Variants in ZFHX3 observed in about 807,000 individuals in gnomAD.
ZFHX3 encodes the protein zinc finger homeobox 3.
Under a neutral mutation model 279.1 loss-of-function variants are expected in ZFHX3, and 42 were observed. That is an observed-to-expected ratio of 0.15 (90% CI 0.12 to 0.19). The LOEUF (loss-of-function observed/expected upper bound fraction) is 0.19, where lower values mean the gene tolerates loss of function less well. Among genes scored for constraint, ZFHX3 ranks in the 10% least tolerant of loss-of-function variants. The pLI, the probability that ZFHX3 is intolerant of heterozygous loss-of-function variation, is 1.00. For synonymous variants in ZFHX3, 2,293 were observed against 1,957.8 expected, an observed-to-expected ratio of 1.17 and a Z score of -4.52; for missense variants, 4,981 against 4,754.0, an observed-to-expected ratio of 1.05 and a Z score of -1.40.
chr16:73,159,472 G>T (rs997777262), intron 5 of ZFHX3, among the ~76,000 whole-genome samples: 11 of 152,018 alleles, frequency 7.2e-5, no homozygotes, highest in Non-Finnish European at 1.5e-4. Flanking sequence ...CTGTCCTTTG[G>T]AGCCCTGAGG....
intron 2 of ZFHX3, among the ~76,000 whole-genome samples, chr16:73,646,378 TTTA>T (rs2052618560): frequency 6.6e-6 from 1 of 152,108 alleles, no homozygotes; most frequent in African/African-American, 2.4e-5. Context: ...CAGATCAAAA[TTTA>T]TTATTTATAT....
intron 1 of ZFHX3, among the ~76,000 whole-genome samples, chr16:73,028,724 TC>T (rs1964597031): frequency 6.6e-6 from 1 of 152,070 alleles, no homozygotes. Context: ...TCCGGGCCCA[TC>T]CCTGGGAAAG....
intron 3 of ZFHX3, among the ~76,000 whole-genome samples, chr16:72,939,063 G>A (rs974997171): frequency 1.3e-5 from 2 of 152,160 alleles, no homozygotes; most frequent in Admixed American, 6.5e-5. Context: ...TAGAGGAGCC[G>A]AGGAATATTC....
intron 2 of ZFHX3, among the ~76,000 whole-genome samples, chr16:73,526,566 C>A (rs531491212): frequency 3.3e-5 from 5 of 152,230 alleles, no homozygotes; most frequent in Non-Finnish European, 5.9e-5. Flanking sequence ...CCAGTTTTGA[C>A]ACTGTCTTTG....
intron 5 of ZFHX3, among the ~76,000 whole-genome samples, chr16:73,166,422 A>T (rs1967369595): frequency 6.6e-6 from 1 of 152,184 alleles, no homozygotes; most frequent in African/African-American, 2.4e-5. Context: ...AAGTATAAAG[A>T]ACTTGAACCT....
At chr16:73,313,391 T>C (rs1475754400) in intron 4 of ZFHX3, among the ~76,000 whole-genome samples, 1 of 152,216 alleles carries the variant, frequency 6.6e-6, no homozygotes, top group African/African-American at 2.4e-5. Context: ...GTCATCATCA[T>C]CACAACCACA....
intron 5 of ZFHX3, among the ~76,000 whole-genome samples, chr16:73,213,837 C>T (rs1026838996): frequency 6.6e-6 from 1 of 152,174 alleles, no homozygotes; most frequent in African/African-American, 2.4e-5. Context: ...CAAATTCTGG[C>T]TGAACATCAG....
chr16:73,578,726 A>AT (rs35487563), intron 2 of ZFHX3, among the ~76,000 whole-genome samples: 9 of 151,910 alleles, frequency 5.9e-5, no homozygotes, highest in Non-Finnish European at 8.8e-5. Flanking sequence ...ATTTATTTTT[A>AT]TTTTTTTTAT....
chr16:73,254,810 G>A (rs28541875), intron 5 of ZFHX3, among the ~76,000 whole-genome samples: 2 of 152,070 alleles, frequency 1.3e-5, no homozygotes, highest in African/African-American at 4.8e-5. Context: ...AGGTTTGTAA[G>A]ACACATAAAT....
chr16:73,017,947 A>G, intron 1 of ZFHX3, among the ~76,000 whole-genome samples: 1 of 150,098 alleles, frequency 6.7e-6, no homozygotes, highest in South Asian at 2.1e-4. Context: ...TGAAAATTTG[A>G]TTTTTTCGAT....
intron 2 of ZFHX3, among the ~76,000 whole-genome samples, chr16:73,651,515 T>C (rs1406975878): frequency 1.3e-5 from 2 of 151,556 alleles, no homozygotes; most frequent in East Asian, 3.9e-4. Context: ...AAAGACAATA[T>C]ATACAATCTT....
intron 4 of ZFHX3, among the ~76,000 whole-genome samples, chr16:73,298,404 G>C (rs930785637): frequency 6.6e-6 from 1 of 151,274 alleles, no homozygotes; most frequent in Non-Finnish European, 1.5e-5. Flanking sequence ...AACCAGTCTC[G>C]AACTCCCGAC....
chr16:73,740,141 A>C (rs1007155217), intron 1 of ZFHX3, among the ~76,000 whole-genome samples: 1 of 152,154 alleles, frequency 6.6e-6, no homozygotes, highest in Non-Finnish European at 1.5e-5. Flanking sequence ...CAGGTATTAT[A>C]TTTCAAATGC....
At chr16:73,477,625 T>A (rs554849696) in intron 2 of ZFHX3, among the ~76,000 whole-genome samples, 1 of 152,312 alleles carries the variant, frequency 6.6e-6, no homozygotes, top group African/African-American at 2.4e-5. Context: ...GGCATCATGG[T>A]GGCAGGCTGC....
At chr16:73,466,313 C>A (rs2018569650) in intron 2 of ZFHX3, among the ~76,000 whole-genome samples, 1 of 152,164 alleles carries the variant, frequency 6.6e-6, no homozygotes, top group South Asian at 2.1e-4. Flanking sequence ...AAAACCCTGT[C>A]TCTACAAAAA....
chr16:73,850,494 G>A (rs1483692797), intron 1 of ZFHX3, among the ~76,000 whole-genome samples: 1 of 152,182 alleles, frequency 6.6e-6, no homozygotes, highest in Non-Finnish European at 1.5e-5. Context: ...GAGCACACGA[G>A]TTACTGAATG....
At chr16:72,978,462 A>C (rs1041442274) in intron 1 of ZFHX3, among the ~76,000 whole-genome samples, 1 of 152,120 alleles carries the variant, frequency 6.6e-6, no homozygotes, top group Non-Finnish European at 1.5e-5. Context: ...CTTGCAGGCC[A>C]TAAGCCTCAA....
intron 4 of ZFHX3, among the ~76,000 whole-genome samples, chr16:73,303,723 AT>A: frequency 6.6e-6 from 1 of 151,138 alleles, no homozygotes; most frequent in Non-Finnish European, 1.5e-5. Flanking sequence ...AATTATTTAG[AT>A]GGCCATCTCA....
rs1283045717 is a variant in ZFHX3, at chr16:72,783,747, A to G, written c.*3417T>C. The G allele has an allele frequency of 6.6e-6, 1 of 152,364 alleles. No homozygotes were observed. Among genetic ancestry groups the G allele is most frequent in the East Asian group, 1.9e-4 (1 of 5,192 alleles). 9.4% of individuals were successfully genotyped at this position (152,364 alleles called of 1,614,324 possible). A position where few individuals can be genotyped will look rare whatever the true frequency, so the allele number is the denominator to read the frequency against. On this transcript the variant is annotated 3_prime_UTR_variant, in exon 10 of 10. Transcript: ENST00000268489. ...GGGAGAAAACCAAAAAACGAGTGTCAATGGAGGTGAAGAACTAATTTAAAA... is the reference window on the plus strand; with the variant it reads ...GGGAGAAAACCAAAAAACGAGTGTCGATGGAGGTGAAGAACTAATTTAAAA...
Sources: gnomAD v4.1 joint callset for allele counts (sites outside exome capture counted in the v4.1 genomes callset) on GRCh38, gnomAD v4.1.1 for gene constraint, MANE v1.5 for transcripts, NCBI Gene and HGNC (gene_info 2026-07-23, HGNC 2026-07-21) for gene names.